VSIG1: variants seen among roughly 807,000 people sequenced by gnomAD.
VSIG1 encodes V-set and immunoglobulin domain-containing protein 1.
VSIG1 carries 11 observed loss-of-function variants against 20.1 expected under a neutral mutation model. The ratio of observed to expected loss-of-function variants is 0.55; its 90% confidence interval spans 0.34 to 0.91. The LOEUF (loss-of-function observed/expected upper bound fraction) is 0.91. Ranked by LOEUF, VSIG1 falls within the 40% of genes least tolerant of loss-of-function variation. The pLI is 0.02. For synonymous variants in VSIG1, 126 were observed against 116.7 expected (o/e 1.08, Z -0.52); for missense variants, 283 against 298.8 (o/e 0.95, Z 0.39).
chrX:108,069,495 A>G (rs1322040117), intron 3 of VSIG1, among the ~76,000 whole-genome samples: 1 of 111,876 alleles, frequency 8.9e-6, no homozygotes, highest in African/African-American at 3.2e-5. Flanking sequence ...TATGAGTGAC[A>G]ATTTTGCTTG....
the VSIG1 span, among the ~76,000 whole-genome samples, chrX:108,022,097 A>G: frequency 8.9e-6 from 1 of 112,069 alleles, no homozygotes. Flanking sequence ...AAAGGCAGCT[A>G]GAATTTTACT....
In VSIG1 at chrX:108,073,282, C is replaced by A. The variant is rs955081063; in HGVS notation, c.601C>A (p.Leu201Met). 8.3e-7 allele frequency: 1 copy of A among 1,211,410 alleles called. No homozygotes were observed. Among genetic ancestry groups the A allele is most frequent in the South Asian group, 1.8e-5 (1 of 56,869 alleles). ...PTTGILVIGN[L>M]TNFEQGYYQC... ...CACCGGGATTTTGGTCATTGGAAATCTGACAAATTTTGAACAAGGTTATTA... is the reference window on the plus strand; with the variant it reads ...CACCGGGATTTTGGTCATTGGAAATATGACAAATTTTGAACAAGGTTATTA... The change falls in exon 5 of 7, where the codon CTG (leucine) becomes ATG (methionine). Residue 201 changes from leucine to methionine, a missense_variant. By Grantham distance (15) the Leu-to-Met change is conservative. Coordinates refer to ENST00000217957, the MANE Select transcript of VSIG1 (RefSeq NM_182607.5).
intron 1 of VSIG1, among the ~76,000 whole-genome samples, chrX:108,057,016 A>G (rs2147923863): frequency 8.9e-6 from 1 of 112,409 alleles, no homozygotes; most frequent in African/African-American, 3.2e-5. Flanking sequence ...GAATGGTTAA[A>G]CAAACTGTAT....
chrX:108,046,224 T>C, intron 1 of VSIG1, among the ~76,000 whole-genome samples: 1 of 112,333 alleles, frequency 8.9e-6, no homozygotes, highest in Middle Eastern at 4.6e-3. Flanking sequence ...TAGAAATAGT[T>C]CTTTAAATGT....
At chrX:108,074,620 C>T (rs1451576151) in intron 5 of VSIG1, among the ~76,000 whole-genome samples, 2 of 112,212 alleles carry the variant, frequency 1.8e-5, no homozygotes, top group Non-Finnish European at 3.8e-5. Flanking sequence ...ACAACTAAAA[C>T]ATGCTAAATC....
chrX:108,028,843 CT>C, the VSIG1 span, among the ~76,000 whole-genome samples: 1 of 111,324 alleles, frequency 9.0e-6, no homozygotes, highest in African/African-American at 3.3e-5. Context: ...CACTACTGAG[CT>C]TTTTAAAATT....
the VSIG1 span, among the ~76,000 whole-genome samples, chrX:108,027,453 G>C: frequency 3.6e-5 from 4 of 111,917 alleles, no homozygotes; most frequent in African/African-American, 1.3e-4. Context: ...AAAATGTTCA[G>C]AATAAGAATA....
chrX:108,077,008 T>C lies in VSIG1; in HGVS notation c.831-40T>C, dbSNP rs767540667. ...TTCACATGAAATTTCAAAGTTAGCA[T>C]CTCCCTAACTTGTTCTTTTCTGGGC... On this transcript the variant is annotated intron_variant, in intron 6 of 6. Coordinates refer to ENST00000217957, the MANE Select transcript of VSIG1 (RefSeq NM_182607.5). 125 of 1,130,829 alleles carry C rather than the reference T, an allele frequency of 1.1e-4. No homozygotes were observed. In the South Asian group the frequency reaches 2.4e-3, roughly 22 times the overall value. 93.2% of individuals were successfully genotyped at this position (1,130,829 alleles called of 1,213,427 possible).
At chrX:108,048,097 G>A (rs981507224) in intron 1 of VSIG1, among the ~76,000 whole-genome samples, 8 of 101,031 alleles carry the variant, frequency 7.9e-5, no homozygotes, top group Admixed American at 1.1e-4. Flanking sequence ...TCCGCCTTCC[G>A]GGTTCAAGTG....
chrX:108,043,284 T>TG (rs1395650200), upstream of VSIG1, among the ~76,000 whole-genome samples: 1 of 112,233 alleles, frequency 8.9e-6, no homozygotes, highest in Admixed American at 9.5e-5. Flanking sequence ...GCTACATGCC[T>TG]GACAGTGAGA....
intron 2 of VSIG1, among the ~76,000 whole-genome samples, chrX:108,063,521 A>G (rs895947693): frequency 2.7e-5 from 3 of 111,247 alleles, no homozygotes; most frequent in African/African-American, 9.9e-5. Context: ...TTGTTTCAAC[A>G]GTTCGAATGC....
intron 3 of VSIG1, among the ~76,000 whole-genome samples, chrX:108,068,439 G>A (rs1179966530): frequency 9.0e-6 from 1 of 111,669 alleles, no homozygotes; most frequent in South Asian, 3.8e-4. Context: ...AAGTAAAAGA[G>A]GTTTAATTGT....
chrX:108,020,356 A>T, the VSIG1 span, among the ~76,000 whole-genome samples: 11 of 112,055 alleles, frequency 9.8e-5, no homozygotes, highest in Non-Finnish European at 1.5e-4. Flanking sequence ...ATGATTTTTT[A>T]AAAAAATCAA....
intron 2 of VSIG1, chrX:108,061,409 C>T: frequency 8.8e-7 from 1 of 1,140,967 alleles, no homozygotes; most frequent in East Asian, 3.3e-5. Context: ...CAGATCCACC[C>T]ATTTCTGCTC....
chrX:108,039,999 T>C (rs189000517), upstream of VSIG1, among the ~76,000 whole-genome samples: 1 of 111,166 alleles, frequency 9.0e-6, no homozygotes. Flanking sequence ...AAGGAAGGCA[T>C]GAAACTCAGA....
intron 2 of VSIG1, among the ~76,000 whole-genome samples, chrX:108,063,504 T>C (rs1243117506): frequency 9.0e-6 from 1 of 111,520 alleles, no homozygotes; most frequent in Non-Finnish European, 1.9e-5. Context: ...CCCAGTATTT[T>C]GTTTGTTTGT....
At chrX:108,069,519 G>A (rs1465901043) in intron 3 of VSIG1, among the ~76,000 whole-genome samples, 1 of 111,712 alleles carries the variant, frequency 9.0e-6, no homozygotes, top group African/African-American at 3.3e-5. Context: ...TGACTGAAAG[G>A]TGAGGCAAGA....
intron 5 of VSIG1, among the ~76,000 whole-genome samples, chrX:108,075,465 G>A (rs2031331354): frequency 9.0e-6 from 1 of 111,312 alleles, no homozygotes; most frequent in African/African-American, 3.3e-5. Context: ...AATATAAGGT[G>A]TCCATCCTTG....
rs780383785 is a variant in VSIG1 at position 108,075,550 on chromosome X, T to C, written c.689-527T>C. Among the ~76,000 whole-genome samples, 11 of 111,663 alleles carry C rather than the reference T, an allele frequency of 9.9e-5. No homozygotes were observed. The East Asian group carries it at 3.1e-3, about 31-fold the overall frequency. On this transcript the variant is annotated intron_variant, in intron 5 of 6. Transcript: ENST00000217957. ...CTTCCAGAGACAACACCTCAGGGCT[T>C]GAAGGTCTGGTGCTCAGCTGGATAA...
Sources: allele counts gnomAD v4.1 joint callset (sites outside exome capture counted in the v4.1 genomes callset), GRCh38; gene constraint gnomAD v4.1.1; transcripts MANE v1.5; gene names NCBI Gene and HGNC (gene_info 2026-07-23, HGNC 2026-07-21).